GPR158: variants seen among roughly 807,000 people sequenced by gnomAD.
The protein encoded by GPR158 is G protein-coupled receptor 158.
Under a neutral mutation model 78.2 loss-of-function variants are expected in GPR158, and 30 were observed. The ratio of observed to expected loss-of-function variants is 0.38; its 90% CI spans 0.29 to 0.52. GPR158 has a LOEUF of 0.52. Ranked by LOEUF, GPR158 falls within the 20% of genes least tolerant of loss-of-function variation. The probability of loss-of-function intolerance (pLI) is 0.83; values close to 1 mark genes in which losing one functional copy is unlikely to be tolerated. For synonymous variants in GPR158, 581 were observed against 591.1 expected, an observed-to-expected ratio of 0.98 and a Z score of 0.25; for missense variants, 1,463 against 1,523.5, an observed-to-expected ratio of 0.96 and a Z score of 0.66.
intron 5 of GPR158, among the ~76,000 whole-genome samples, chr10:25,491,936 T>C (rs77921395): frequency 0.028 from 4,207 of 152,264 alleles, 196 homozygotes; most frequent in African/African-American, 0.093. Context: ...CTTGGTCTGT[T>C]TGTGTTGCCA....
In GPR158 at chr10:25,377,020, C is replaced by A. The variant is rs535031835; in HGVS notation, c.1009-18891C>A. On this transcript the variant is annotated intron_variant, in intron 2 of 10. Coordinates refer to ENST00000376351, the MANE Select transcript of GPR158 (RefSeq NM_020752.3). ...TTATGATATGTGTAGGTGTTATTTT[C>A]TTTGTATTAATCCAGTTTAGGGTTT... Among the ~76,000 whole-genome samples, 36 of 151,644 alleles carry A rather than the reference C, an allele frequency of 2.4e-4. 1 individual carries two copies. The South Asian group carries it at 7.1e-3, about 30-fold the overall frequency.
intron 2 of GPR158, among the ~76,000 whole-genome samples, chr10:25,276,166 G>A (rs2036101255): frequency 6.6e-6 from 1 of 152,132 alleles, no homozygotes; most frequent in South Asian, 2.1e-4. Context: ...TATTTTAGGT[G>A]TCAAGACGTG....
At chr10:25,446,920 T>A (rs1235774596) in intron 4 of GPR158, among the ~76,000 whole-genome samples, 1 of 152,226 alleles carries the variant, frequency 6.6e-6, no homozygotes, top group Non-Finnish European at 1.5e-5. Context: ...AGATCTCCTG[T>A]CAGTTTTAAT....
At chr10:25,480,384 A>G (rs1227138008) in intron 5 of GPR158, among the ~76,000 whole-genome samples, 2 of 152,350 alleles carry the variant, frequency 1.3e-5, no homozygotes, top group East Asian at 1.9e-4. Context: ...TGCAAAATTC[A>G]GTGGCTTTAA....
intron 2 of GPR158, among the ~76,000 whole-genome samples, chr10:25,252,775 G>A (rs1383601457): frequency 6.6e-6 from 1 of 152,160 alleles, no homozygotes; most frequent in Non-Finnish European, 1.5e-5. Context: ...TTGTTTGTCT[G>A]TGCCCTGCCC....
At chr10:25,467,843 CCTGT>C (rs2130619231) in intron 5 of GPR158, among the ~76,000 whole-genome samples, 1 of 152,204 alleles carries the variant, frequency 6.6e-6, no homozygotes, top group Admixed American at 6.5e-5. Flanking sequence ...CCTTTAAGTT[CCTGT>C]CTGTGTCTCA....
intron 3 of GPR158, among the ~76,000 whole-genome samples, chr10:25,401,225 T>A (rs1460356131): frequency 6.6e-6 from 1 of 152,050 alleles, no homozygotes; most frequent in Non-Finnish European, 1.5e-5. Context: ...AACACCACAG[T>A]CTCATAAATA....
At chr10:25,439,954 T>C (rs1195457291) in intron 4 of GPR158, among the ~76,000 whole-genome samples, 3 of 152,194 alleles carry the variant, frequency 2.0e-5, no homozygotes. Flanking sequence ...CCGTTGAATA[T>C]TTTTAGAAAT....
intron 3 of GPR158, among the ~76,000 whole-genome samples, chr10:25,400,959 T>A (rs564756097): frequency 1.3e-5 from 2 of 152,220 alleles, no homozygotes; most frequent in African/African-American, 4.8e-5. Flanking sequence ...AGTATGCAGT[T>A]CTGGAAGAAA....
At chr10:25,389,081 C>T (rs1754264) in intron 2 of GPR158, among the ~76,000 whole-genome samples, 98,133 of 152,148 alleles carry the variant, frequency 0.64, 32,626 homozygotes, top group Non-Finnish European at 0.73. Flanking sequence ...GCACAAACAG[C>T]CTGGGTGCCA....
intron 3 of GPR158, among the ~76,000 whole-genome samples, chr10:25,401,728 T>G (rs957331215): frequency 1.3e-5 from 2 of 152,136 alleles, no homozygotes; most frequent in African/African-American, 2.4e-5. Flanking sequence ...GACTATTAAT[T>G]AGCTCAGTGT....
chr10:25,403,489 C>G (rs893596509), intron 3 of GPR158, among the ~76,000 whole-genome samples: 1 of 151,920 alleles, frequency 6.6e-6, no homozygotes, highest in Non-Finnish European at 1.5e-5. Context: ...ATACATTTTC[C>G]ATTTGTCTTC....
intron 2 of GPR158, among the ~76,000 whole-genome samples, chr10:25,351,431 T>TA (rs1564429734): frequency 8.7e-6 from 1 of 115,484 alleles, no homozygotes. Flanking sequence ...GAGTTGGGGG[T>TA]GGGGGGGTGC....
At chr10:25,205,563 A>G (rs993282301) in intron 1 of GPR158, among the ~76,000 whole-genome samples, 1 of 152,084 alleles carries the variant, frequency 6.6e-6, no homozygotes, top group African/African-American at 2.4e-5. Flanking sequence ...AGTTAGCACT[A>G]TAAAGGTTCC....
Position 25,444,913 on chromosome 10 carries a change from G to T in GPR158, c.1336-21738G>T, listed in dbSNP as rs185125168. Among the ~76,000 whole-genome samples, 593 of 152,186 alleles carry T rather than the reference G, an allele frequency of 3.9e-3. 1 individual carries two copies. The highest frequency in any genetic ancestry group is 5.8e-3 in the Non-Finnish European group (396 of 68,008). On this transcript the variant is annotated intron_variant, in intron 4 of 10. Transcript: ENST00000376351. ...AGATCATGAGACTTCTTAAGGAGGG[G>T]ACTCAACTTCTCTGATCTATACAGG...
chr10:25,549,574 G>A (rs1196220670), intron 5 of GPR158, among the ~76,000 whole-genome samples: 4 of 152,010 alleles, frequency 2.6e-5, no homozygotes, highest in African/African-American at 9.7e-5. Context: ...GACAAATTCT[G>A]TGTATGTGAA....
At chr10:25,456,207 C>T (rs558034116) in intron 4 of GPR158, among the ~76,000 whole-genome samples, 47 of 152,156 alleles carry the variant, frequency 3.1e-4, no homozygotes, top group Middle Eastern at 3.4e-3. Context: ...TGTTTTTGTT[C>T]GTTTTCTTGC....
At chr10:25,384,645 T>A (rs565612252) in intron 2 of GPR158, among the ~76,000 whole-genome samples, 1 of 152,192 alleles carries the variant, frequency 6.6e-6, no homozygotes, top group Non-Finnish European at 1.5e-5. Flanking sequence ...TCAGTCCAAG[T>A]TAGTTTTTTT....
chr10:25,367,160 ATTTATT>A (rs1164769452), intron 2 of GPR158, among the ~76,000 whole-genome samples: 1 of 151,612 alleles, frequency 6.6e-6, no homozygotes, highest in Non-Finnish European at 1.5e-5. Context: ...CAAAACCAGA[ATTTATT>A]TTTATATGTG....
Sources: allele counts gnomAD v4.1 joint callset (sites outside exome capture counted in the v4.1 genomes callset), GRCh38; gene constraint gnomAD v4.1.1; transcripts MANE v1.5; gene names NCBI Gene and HGNC (gene_info 2026-07-23, HGNC 2026-07-21).